Variants in SS18L2 observed in about 807,000 individuals in gnomAD.
SS18L2 encodes the protein SS18-like protein 2.
Under a neutral mutation model 10.3 loss-of-function variants are expected in SS18L2, and 8 were observed. That is an observed-to-expected ratio of 0.78 (90% CI 0.46 to 1.41). The LOEUF (loss-of-function observed/expected upper bound fraction) is 1.41. Ranked by LOEUF, SS18L2 falls within the 40% of genes most tolerant of loss-of-function variation. The pLI, the probability that SS18L2 is intolerant of heterozygous loss-of-function variation, is 0.00. For missense variants in SS18L2, 100 were observed against 96.2 expected (o/e 1.04, Z -0.17); for synonymous variants, 41 against 34.6 (o/e 1.19, Z -0.65).
At chr3:42,591,046 T>A in intron 1 of SS18L2, 80 bp downstream of exon 1, 1 of 1,458,808 alleles carries the variant, frequency 6.9e-7, no homozygotes, top group Non-Finnish European at 9.3e-7. Flanking sequence ...AAGCATCCTG[T>A]AGTGAGCGGC....
Position 42,594,731 on chromosome 3 carries a change from A to G in SS18L2, c.*222A>G, listed in dbSNP as rs1239609890. ...TTTAAATAATTAAGCAAATCCCTCA[A>G]TAAGTTGAGCCCAGGTGTCCTCTTT... On this transcript the variant is annotated 3_prime_UTR_variant, in exon 3 of 3. Coordinates refer to ENST00000011691, the MANE Select transcript of SS18L2 (RefSeq NM_001370300.1). The G allele has an allele frequency of 2.8e-5, 11 of 388,090 alleles. No individual in the cohort carries two copies. The Admixed American group carries it at 3.7e-4, about 13-fold the overall frequency. 24.0% of individuals were successfully genotyped at this position (388,090 alleles called of 1,614,324 possible).
upstream of SS18L2, among the ~76,000 whole-genome samples, chr3:42,588,547 C>A (rs1704701558): frequency 6.6e-6 from 1 of 152,150 alleles, no homozygotes; most frequent in South Asian, 2.1e-4. Context: ...TGTATATATA[C>A]ATACCATATG....
chr3:42,581,904 G>A (rs1334630931), exon 1 of SS18L2: 1 of 152,308 alleles, frequency 6.6e-6, no homozygotes, highest in African/African-American at 2.4e-5. Flanking sequence ...CGCCTCCTCA[G>A]CAATCTTAGC....
At chr3:42,591,698 G>A (rs1350282950) in intron 2 of SS18L2, 97 bp downstream of exon 2, 7 of 873,430 alleles carry the variant, frequency 8.0e-6, no homozygotes, top group Non-Finnish European at 7.6e-6. Flanking sequence ...GTGATTGATC[G>A]CAGTTAAGCC....
chr3:42,595,940 A>G lies in SS18L2; in HGVS notation c.*1431A>G, dbSNP rs942150404. Among the ~76,000 whole-genome samples the G allele has an allele frequency of 6.6e-6, 1 of 152,202 alleles. No homozygotes were observed. The highest frequency in any genetic ancestry group is 1.5e-5 in the Non-Finnish European group (1 of 68,034). On this transcript the variant is annotated 3_prime_UTR_variant, in exon 3 of 3. Transcript: ENST00000011691. ...GATAACGTGGTTGAGAACTGGGCAC[A>G]TGTTAATCTATGTTAGCACTAATGT...
upstream of SS18L2, among the ~76,000 whole-genome samples, chr3:42,586,875 G>A (rs1704629768): frequency 6.6e-6 from 1 of 152,136 alleles, no homozygotes; most frequent in African/African-American, 2.4e-5. Flanking sequence ...TTCCACAACT[G>A]AATATATCAC....
chr3:42,585,761 C>G (rs1704589811), intron 1 of SS18L2, among the ~76,000 whole-genome samples: 1 of 152,220 alleles, frequency 6.6e-6, no homozygotes, highest in South Asian at 2.1e-4. Context: ...CTTCTTGGCT[C>G]TAAGTGCTGC....
At chr3:42,582,006 C>T (rs11926788) in intron 1 of SS18L2, 1 of 152,506 alleles carries the variant, frequency 6.6e-6, no homozygotes, top group Non-Finnish European at 1.5e-5. Flanking sequence ...CCACCTCCCC[C>T]CTACCCCGCA....
At chr3:42,593,224 C>T (rs1704914505) in intron 2 of SS18L2, among the ~76,000 whole-genome samples, 1 of 152,038 alleles carries the variant, frequency 6.6e-6, no homozygotes, top group African/African-American at 2.4e-5. Context: ...ACCAGCCTGG[C>T]CAACATGGCA....
chr3:42,583,712 C>T (rs941326086), intron 1 of SS18L2, among the ~76,000 whole-genome samples: 8 of 152,086 alleles, frequency 5.3e-5, no homozygotes, highest in East Asian at 1.9e-4. Context: ...ATCTAATATG[C>T]GCAGGCACCA....
chr3:42,590,437 T>C (rs1328061593), upstream of SS18L2, among the ~76,000 whole-genome samples: 1 of 152,064 alleles, frequency 6.6e-6, no homozygotes, highest in African/African-American at 2.4e-5. Flanking sequence ...GAGACCATCC[T>C]GGCTAATATG....
rs201194316 is a variant in SS18L2 at position 42,590,978 on chromosome 3, C to G, written c.69+12C>G. 6.3e-3 allele frequency: 2,090 copies of G among 331,066 alleles called. 26 individuals carry two copies. Among genetic ancestry groups the G allele is most frequent in the African/African-American group, 0.059 (1,839 of 31,356 alleles). The allele number at this position is 331,066 out of a possible 1,614,324, so 20.5% of individuals were successfully genotyped here. A position where few individuals can be genotyped will look rare whatever the true frequency, so the allele number is the denominator to read the frequency against. ...AGACTATCCAGCGGGTGAGCATCCA[C>G]GCGGGCGGGCGGGCGGGCGGAGAGA... is the stretch of plus-strand genomic sequence containing the variant. On this transcript the variant is annotated intron_variant, in intron 1 of 2. Transcript: ENST00000011691.
intron 1 of SS18L2, among the ~76,000 whole-genome samples, chr3:42,582,571 G>A (rs757342749): frequency 2.0e-5 from 3 of 152,232 alleles, no homozygotes; most frequent in Admixed American, 6.5e-5. Context: ...CTATGTGCCA[G>A]GGGTTGTGGA....
At chr3:42,592,217 T>C (rs1287553089) in intron 2 of SS18L2, among the ~76,000 whole-genome samples, 1 of 152,174 alleles carries the variant, frequency 6.6e-6, no homozygotes, top group African/African-American at 2.4e-5. Flanking sequence ...TTTTTTTTCT[T>C]TTTGAGACAG....
At chr3:42,590,308 T>TGTATCTGG (rs1704774326), upstream of SS18L2, among the ~76,000 whole-genome samples, 5 of 152,182 alleles carry the variant, frequency 3.3e-5, no homozygotes, top group Admixed American at 3.3e-4. Context: ...TCTGAAGCCA[T>TGTATCTGG]GTATCTGGGT....
chr3:42,593,344 G>A (rs1370926997), intron 2 of SS18L2, among the ~76,000 whole-genome samples: 2 of 152,206 alleles, frequency 1.3e-5, no homozygotes, highest in Non-Finnish European at 2.9e-5. Flanking sequence ...TTGAACCCAG[G>A]AGGTGGAGGT....
At position 42,595,986 on chromosome 3, in the gene SS18L2, C is replaced by G. The variant is rs1258680519; in HGVS notation, c.*1477C>G. On this transcript the variant is annotated 3_prime_UTR_variant, in exon 3 of 3. Coordinates refer to ENST00000011691, the MANE Select transcript of SS18L2 (RefSeq NM_001370300.1). ...AATGTGCTGAGGGCTCTGGCTCTTTCTTTTTTCTTTTTCTTCTTTTTTTTG... is the reference window on the plus strand; with the variant it reads ...AATGTGCTGAGGGCTCTGGCTCTTTGTTTTTTCTTTTTCTTCTTTTTTTTG... Among the ~76,000 whole-genome samples, 1 of 151,874 alleles carries G rather than the reference C, an allele frequency of 6.6e-6. No individual in the cohort carries two copies. Among genetic ancestry groups the G allele is most frequent in the Non-Finnish European group, 1.5e-5 (1 of 67,936 alleles).
intron 1 of SS18L2, 126 bp from the exon 2 acceptor site, chr3:42,591,399 T>C (rs1435898405): frequency 1.3e-5 from 9 of 694,112 alleles, no homozygotes; most frequent in Non-Finnish European, 2.3e-5. Context: ...TTCCCCATGT[T>C]GGCCAGGCTA....
At chr3:42,591,315 C>T (rs1414817159) in intron 1 of SS18L2, 2 of 592,316 alleles carry the variant, frequency 3.4e-6, no homozygotes, top group Non-Finnish European at 6.0e-6. Context: ...TCTCCTGCCT[C>T]AGCCTCCTGA....
Sources: gnomAD v4.1 joint callset for allele counts (sites outside exome capture counted in the v4.1 genomes callset) on GRCh38, gnomAD v4.1.1 for gene constraint, MANE v1.5 for transcripts, NCBI Gene and HGNC (gene_info 2026-07-23, HGNC 2026-07-21) for gene names.